Variants in DACT3 observed in about 807,000 individuals in gnomAD.
DACT3 encodes dapper homolog 3.
A neutral mutation model predicts 19.6 loss-of-function variants in DACT3; 5 were observed. The observed-to-expected ratio is 0.26, with a 90% confidence interval of 0.13 to 0.54. DACT3 has a LOEUF of 0.54. Among genes scored for constraint, DACT3 ranks in the 20% least tolerant of loss-of-function variants. The pLI, the probability that DACT3 is intolerant of heterozygous loss-of-function variation, is 0.95. For synonymous variants in DACT3, 454 were observed against 428.1 expected (o/e 1.06, Z -0.75); for missense variants, 908 against 927.4 (o/e 0.98, Z 0.27).
Position 46,660,224 on chromosome 19 carries a change from G to C in DACT3, c.249+592C>G, listed in dbSNP as rs1372068910. On this transcript the variant is annotated intron_variant, in intron 1 of 3. Transcript: ENST00000391916. The surrounding 1 kb of genome is among the most constrained non-coding windows in gnomAD (Gnocchi z 4.9). Reference sequence around the variant, plus strand: ...TCACCAAAGGGTCAAGATCCCAGTGGGGGGTCCTCAGGGACTGTGAGCTTC... The same window carrying C: ...TCACCAAAGGGTCAAGATCCCAGTGCGGGGTCCTCAGGGACTGTGAGCTTC... 6.6e-6 allele frequency: 1 copy of C among 152,520 alleles called. No homozygotes were observed. The highest frequency in any genetic ancestry group is 1.9e-4 in the East Asian group (1 of 5,190). The allele number at this position is 152,520 out of a possible 1,614,324, so 9.4% of individuals were successfully genotyped here.
In DACT3 at chr19:46,648,172, G is replaced by A. The variant is rs532336255; in HGVS notation, c.*310C>T. On this transcript the variant is annotated 3_prime_UTR_variant, in exon 4 of 4. Coordinates refer to ENST00000391916, the MANE Select transcript of DACT3 (RefSeq NM_145056.3). This position sits in a 1 kb window ranked among gnomAD's most constrained non-coding sequence, Gnocchi z 5.1. ...AAACTAAAACGGGGAAATTCAAACC[G>A]AATTACCCCTTTTGCATACATGGAC... is the stretch of plus-strand genomic sequence containing the variant. 34 of 326,354 alleles carry A rather than the reference G, an allele frequency of 1.0e-4. No individual in the cohort carries two copies. The South Asian group carries it at 1.6e-3, about 15-fold the overall frequency. The allele number at this position is 326,354 out of a possible 1,614,324, so 20.2% of individuals were successfully genotyped here.
chr19:46,653,822 G>A (rs1471311395), intron 1 of DACT3, among the ~76,000 whole-genome samples: 4 of 152,054 alleles, frequency 2.6e-5, no homozygotes, highest in Non-Finnish European at 5.9e-5. Context: ...CCAAAGTGCC[G>A]GGATTACAGG....
rs767969446 is a variant in DACT3 at position 46,648,943 on chromosome 19, G to A, written c.1429C>T (p.Arg477Cys). Residue 477 changes from arginine to cysteine, a missense_variant, in exon 4 of 4, where the codon CGC becomes TGC. Around this residue, in one of 2 missense-constraint regions of DACT3, gnomAD observed 656 missense variants for 601.8 expected, o/e 1.09. Transcript: ENST00000391916. This position sits in a 1 kb window ranked among gnomAD's most constrained non-coding sequence, Gnocchi z 5.1. The stretch of plus-strand genomic sequence containing the variant: ...GCAGCGTCGATCTCCGCAGTGGAGC[G>A]CCAGCGACGGCAGGACCCTGCGGCC... Reference protein sequence around the residue: ...AQAAGSCRRWRSTAEIDAADG... With the variant: ...AQAAGSCRRWCSTAEIDAADG... 8 of 1,339,042 alleles carry A rather than the reference G, an allele frequency of 6.0e-6. No individual in the cohort carries two copies. In the East Asian group the frequency reaches 1.9e-4, roughly 32 times the overall value. 82.9% of individuals were successfully genotyped at this position (1,339,042 alleles called of 1,614,324 possible).
Position 46,649,324 on chromosome 19 carries a change from C to A in DACT3, c.1048G>T (p.Ala350Ser). 2 of 1,241,288 alleles carry A rather than the reference C, an allele frequency of 1.6e-6. No individual in the cohort carries two copies. Among genetic ancestry groups the A allele is most frequent in the Non-Finnish European group, 2.0e-6 (2 of 990,104 alleles). 76.9% of individuals were successfully genotyped at this position (1,241,288 alleles called of 1,614,324 possible). A position where few individuals can be genotyped will look rare whatever the true frequency, so the allele number is the denominator to read the frequency against. Residue 350 changes from alanine to serine, a missense_variant, in exon 4 of 4, where the codon GCT becomes TCT. Coordinates refer to ENST00000391916, the MANE Select transcript of DACT3 (RefSeq NM_145056.3). ...TGCGCCTTCACCAAGCGGCCCTCAG[C>A]CGGGCTGTCGGGGGGTGAGGGGGCG... Reference protein sequence around the residue: ...PAAPSPPDSPAEGRLVKAQYI... With the variant: ...PAAPSPPDSPSEGRLVKAQYI...
chr19:46,652,627 C>T, intron 3 of DACT3, 33 bp downstream of exon 3: 2 of 1,546,574 alleles, frequency 1.3e-6, no homozygotes, highest in Non-Finnish European at 1.7e-6. Context: ...TGTCCTTTCC[C>T]TGGCCCCAGG....
rs140521907 is a variant in DACT3, at chr19:46,655,901, G to GTCTCTCTCTCTCTC, written c.250-2840_250-2827dup. Among the ~76,000 whole-genome samples, 67 of 131,846 alleles carry GTCTCTCTCTCTCTC rather than the reference G, an allele frequency of 5.1e-4. 2 individuals carry two copies. The highest frequency in any genetic ancestry group is 6.2e-4 in the Non-Finnish European group (39 of 63,410). The allele number at this position is 131,846 out of a possible 152,430, so 86.5% of individuals were successfully genotyped here. On this transcript the variant is annotated intron_variant, in intron 1 of 3. Coordinates refer to ENST00000391916, the MANE Select transcript of DACT3 (RefSeq NM_145056.3). ...AGCCTAGGCGACATAGTGAGACCCA[G>GTCTCTCTCTCTCTC]TCTCTCTCTCTCTCTCTCTCTCTCT...
chr19:46,650,000 A>C, intron 3 of DACT3, 128 bp from the exon 4 acceptor site: 1 of 1,091,144 alleles, frequency 9.2e-7, no homozygotes, highest in South Asian at 3.5e-5. Flanking sequence ...TCGCAGCAAA[A>C]ACCCTGCTCT....
At position 46,649,773 on chromosome 19, in the gene DACT3, G is replaced by A. The variant is rs2052963681; in HGVS notation, c.599C>T (p.Pro200Leu). 3.0e-6 allele frequency: 4 copies of A among 1,324,724 alleles called. No homozygotes were observed. Among genetic ancestry groups the A allele is most frequent in the Middle Eastern group, 5.7e-4 (2 of 3,522 alleles). 82.1% of individuals were successfully genotyped at this position (1,324,724 alleles called of 1,614,324 possible). Residue 200 changes from proline (P) to leucine (L), a missense_variant, in exon 4 of 4, where the codon CCG becomes CTG. Physicochemically the swap from Pro to Leu is moderately conservative, Grantham distance 98. Coordinates refer to ENST00000391916, the MANE Select transcript of DACT3 (RefSeq NM_145056.3). ...CCGCTCCGCCGAGGAGCAGGCCTCCGGGCCGGCGGACCCCCCTGCCGTCGG... is the reference window on the plus strand; with the variant it reads ...CCGCTCCGCCGAGGAGCAGGCCTCCAGGCCGGCGGACCCCCCTGCCGTCGG... The part of the protein sequence containing the change: ...PYPTAGGSAG[P>L]EACSSAERRA...
At chr19:46,658,729 G>C (rs936005191) in intron 1 of DACT3, among the ~76,000 whole-genome samples, 1 of 151,980 alleles carries the variant, frequency 6.6e-6, no homozygotes, top group African/African-American at 2.4e-5. Context: ...GTGTGGTTAG[G>C]ACCCCTGGAG....
chr19:46,648,937 T>C lies in DACT3; in HGVS notation c.1435A>G (p.Thr479Ala). Residue 479 changes from threonine (T) to alanine (A), a missense_variant, in exon 4 of 4, where the codon ACT (threonine) becomes GCT (alanine). Thr to Ala is a moderately conservative substitution (Grantham distance 58). Coordinates refer to ENST00000391916, the MANE Select transcript of DACT3 (RefSeq NM_145056.3). This position sits in a 1 kb window ranked among gnomAD's most constrained non-coding sequence, Gnocchi z 5.1. Reference protein sequence around the residue: ...AAGSCRRWRSTAEIDAADGRR... With the variant: ...AAGSCRRWRSAAEIDAADGRR... ...CCATCGGCAGCGTCGATCTCCGCAG[T>C]GGAGCGCCAGCGACGGCAGGACCCT... The C allele has an allele frequency of 7.4e-7, 1 of 1,343,636 alleles. No individual in the cohort carries two copies. The highest frequency in any genetic ancestry group is 9.5e-7 in the Non-Finnish European group (1 of 1,052,612). The allele number at this position is 1,343,636 out of a possible 1,614,324, so 83.2% of individuals were successfully genotyped here.
At chr19:46,653,205 T>C (rs2053003838) in intron 1 of DACT3, 130 bp from the exon 2 acceptor site, 6 of 1,349,098 alleles carry the variant, frequency 4.4e-6, no homozygotes, top group Non-Finnish European at 5.9e-6. Flanking sequence ...ATAAAAGCAG[T>C]ACCTCAGTCC....
At chr19:46,659,956 CA>C (rs2053062730) in intron 1 of DACT3, among the ~76,000 whole-genome samples, 1 of 152,104 alleles carries the variant, frequency 6.6e-6, no homozygotes, top group African/African-American at 2.4e-5. Flanking sequence ...GAGAAGCAGA[CA>C]CAGAAAGTCA....
chr19:46,649,623 T>C lies in DACT3; in HGVS notation c.749A>G (p.Asp250Gly). The C allele has an allele frequency of 2.7e-6, 3 of 1,130,088 alleles. No individual in the cohort carries two copies. The highest frequency in any genetic ancestry group is 3.2e-6 in the Non-Finnish European group (3 of 923,790). 70.0% of individuals were successfully genotyped at this position (1,130,088 alleles called of 1,614,324 possible). The change falls in exon 4 of 4, where the codon GAC becomes GGC. Residue 250 changes from aspartate (D) to glycine (G), a missense_variant. Transcript: ENST00000391916. ...GCGCAGGAGCGCCGAGATGTAGCCG[T>C]CCAGGGGCCGCCCTGCGCCCCCCGC... is the stretch of plus-strand genomic sequence containing the variant. ...PDAGGAGRPL[D>G]GYISALLRRR...
chr19:46,658,839 T>A (rs189076016), intron 1 of DACT3, among the ~76,000 whole-genome samples: 100 of 152,306 alleles, frequency 6.6e-4, no homozygotes, highest in African/African-American at 2.4e-3. Context: ...ATTCTGCAAG[T>A]CTAACTTAAG....
In DACT3 at chr19:46,660,538, C is replaced by T. The variant is rs1023706430; in HGVS notation, c.249+278G>A. 2.1e-6 allele frequency: 1 copy of T among 465,614 alleles called. No individual in the cohort carries two copies. The highest frequency in any genetic ancestry group is 2.0e-5 in the African/African-American group (1 of 48,818). 28.8% of individuals were successfully genotyped at this position (465,614 alleles called of 1,614,324 possible). On this transcript the variant is annotated intron_variant, in intron 1 of 3. Transcript: ENST00000391916. The surrounding 1 kb of genome is among the most constrained non-coding windows in gnomAD (Gnocchi z 4.9). Reference sequence around the variant, plus strand: ...TCTCGGGTTTGACACATACTTGGCGCCCACAAGGATTTTCTTTGGGGAAGG... The same window carrying T: ...TCTCGGGTTTGACACATACTTGGCGTCCACAAGGATTTTCTTTGGGGAAGG...
Position 46,654,766 on chromosome 19 carries a change from C to G in DACT3, c.250-1691G>C, listed in dbSNP as rs1032437809. On this transcript the variant is annotated intron_variant, in intron 1 of 3. Coordinates refer to ENST00000391916, the MANE Select transcript of DACT3 (RefSeq NM_145056.3). ...GGGGAGGAGGGTTTGGGAGGGCAGGCACCCAACCCTGCCTATTTAGGGCAG... is the reference window on the plus strand; with the variant it reads ...GGGGAGGAGGGTTTGGGAGGGCAGGGACCCAACCCTGCCTATTTAGGGCAG... The G allele has an allele frequency of 1.0e-5, 10 of 985,272 alleles. No homozygotes were observed. The African/African-American group carries it at 1.6e-4, about 16-fold the overall frequency. The allele number at this position is 985,272 out of a possible 1,614,324, so 61.0% of individuals were successfully genotyped here. A position where few individuals can be genotyped will look rare whatever the true frequency, so the allele number is the denominator to read the frequency against.
At chr19:46,655,192 G>C in intron 1 of DACT3, 1 of 354,730 alleles carries the variant, frequency 2.8e-6, no homozygotes, top group Non-Finnish European at 3.9e-6. Context: ...TACCTTCCTT[G>C]CTTCATTCAG....
At position 46,648,806 on chromosome 19, in the gene DACT3, G is replaced by A. The variant is rs1391066531; in HGVS notation, c.1566C>T (p.Ser522=). The A allele has an allele frequency of 5.2e-6, 8 of 1,531,366 alleles. No homozygotes were observed. The highest frequency in any genetic ancestry group is 6.1e-6 in the Non-Finnish European group (7 of 1,146,334). The allele number at this position is 1,531,366 out of a possible 1,614,324, so 94.9% of individuals were successfully genotyped here. The change falls in exon 4 of 4, where the codon TCC becomes TCT. Residue 522 remains serine (S), a synonymous_variant. Transcript: ENST00000391916. This position sits in a 1 kb window ranked among gnomAD's most constrained non-coding sequence, Gnocchi z 5.1. ...RLLYGCAGSD[S]ECSAGRLGPL... ...GCCCCAGGCGCCCAGCCGAGCACTCGGAGTCGCTGCCCGCGCAGCCGTAAA... is the reference window on the plus strand; with the variant it reads ...GCCCCAGGCGCCCAGCCGAGCACTCAGAGTCGCTGCCCGCGCAGCCGTAAA...
rs2052938081 is a variant in DACT3, at chr19:46,648,316, G to A, written c.*166C>T. The A allele has an allele frequency of 7.1e-6, 8 of 1,134,750 alleles. No homozygotes were observed. The South Asian group carries it at 1.2e-4, about 17-fold the overall frequency. 70.3% of individuals were successfully genotyped at this position (1,134,750 alleles called of 1,614,324 possible). On this transcript the variant is annotated 3_prime_UTR_variant, in exon 4 of 4. Transcript: ENST00000391916. This position sits in a 1 kb window ranked among gnomAD's most constrained non-coding sequence, Gnocchi z 5.1. ...GCTCCTCCCCATTCCTCTCGGTGGT[G>A]GTGGGGGAGCCTTTTCAACCAAGAC...
Sources: allele counts gnomAD v4.1 joint callset (sites outside exome capture counted in the v4.1 genomes callset), GRCh38; gene constraint gnomAD v4.1.1; regional missense constraint gnomAD v4.1.1; non-coding constraint Gnocchi (gnomAD v3.1); transcripts MANE v1.5; gene names NCBI Gene and HGNC (gene_info 2026-07-23, HGNC 2026-07-21).